The following RAD18 variants were observed in gnomAD, a reference collection of about 807,000 sequenced individuals.
RAD18 encodes RAD18 E3 ubiquitin protein ligase, also known as E3 ubiquitin-protein ligase RAD18.
RAD18 carries 47 observed loss-of-function variants against 60.4 expected under a neutral mutation model. The observed-to-expected ratio is 0.78, with a 90% CI of 0.62 to 0.99. The LOEUF is 0.99. Ranked by LOEUF, RAD18 falls within the 50% of genes least tolerant of loss-of-function variation. RAD18 has a pLI of 0.00. For missense variants in RAD18, 640 were observed against 593.3 expected (o/e 1.08, Z -0.82); for synonymous variants, 225 against 195.5 (o/e 1.15, Z -1.26).
In RAD18 at chr3:8,958,816, C is replaced by T. The variant is rs1941051084; in HGVS notation, c.133+104G>A. On this transcript the variant is annotated intron_variant, in intron 2 of 12. Transcript: ENST00000264926. ...TCTGAAAAACTACAAGATAGAAGAG[C>T]TAAAGGTGAAACATAAATATGTGCA... 1.0e-5 allele frequency: 9 copies of T among 889,542 alleles called. No homozygotes were observed. The East Asian group carries it at 2.0e-4, about 20-fold the overall frequency. The allele number at this position is 889,542 out of a possible 1,614,324, so 55.1% of individuals were successfully genotyped here.
intron 11 of RAD18, among the ~76,000 whole-genome samples, chr3:8,894,846 C>T (rs772989122): frequency 1.3e-5 from 2 of 148,208 alleles, no homozygotes; most frequent in South Asian, 2.1e-4. Flanking sequence ...CAGCAACCTC[C>T]GCCTCCCACG....
intron 2 of RAD18, among the ~76,000 whole-genome samples, chr3:8,951,416 A>G (rs897058124): frequency 6.6e-6 from 1 of 152,192 alleles, no homozygotes; most frequent in African/African-American, 2.4e-5. Flanking sequence ...AAAGAGAAAT[A>G]AGGACTTTCT....
chr3:8,922,792 AC>A (rs1478270418), intron 7 of RAD18, among the ~76,000 whole-genome samples: 1 of 152,170 alleles, frequency 6.6e-6, no homozygotes, highest in Non-Finnish European at 1.5e-5. Context: ...CGCTGGTGAT[AC>A]CCAGGCAAAC....
chr3:8,929,275 G>C (rs777282969), intron 7 of RAD18, among the ~76,000 whole-genome samples: 5 of 151,920 alleles, frequency 3.3e-5, no homozygotes, highest in African/African-American at 4.8e-5. Context: ...CTGAGAAAAA[G>C]CAATTTGAGA....
intron 7 of RAD18, among the ~76,000 whole-genome samples, chr3:8,914,278 T>C (rs1322246823): frequency 6.6e-6 from 1 of 152,204 alleles, no homozygotes; most frequent in African/African-American, 2.4e-5. Flanking sequence ...AATTTGCAAA[T>C]GCTATCTTTC....
intron 2 of RAD18, 103 bp downstream of exon 2, chr3:8,958,817 T>A: frequency 1.1e-6 from 1 of 905,884 alleles, no homozygotes; most frequent in Non-Finnish European, 1.8e-6. Context: ...ATAGAAGAGC[T>A]AAAGGTGAAA....
chr3:8,910,842 G>C (rs1011055039), intron 9 of RAD18, among the ~76,000 whole-genome samples: 17 of 152,100 alleles, frequency 1.1e-4, no homozygotes, highest in African/African-American at 4.1e-4. Flanking sequence ...AAAACTTCAA[G>C]AAGTAGCAGA....
chr3:8,882,213 G>A (rs1939477106), intron 12 of RAD18, among the ~76,000 whole-genome samples: 1 of 152,188 alleles, frequency 6.6e-6, no homozygotes, highest in Non-Finnish European at 1.5e-5. Flanking sequence ...GGGAAACACA[G>A]GAAACTCCCC....
chr3:8,941,927 CAACCA>C, intron 4 of RAD18, 123 bp from the exon 5 acceptor site: 2 of 869,194 alleles, frequency 2.3e-6, no homozygotes, highest in Non-Finnish European at 1.7e-6. Context: ...ACTATAATGA[CAACCA>C]AACCAAAGTT....
chr3:8,947,561 A>G (rs1940858007), intron 3 of RAD18, among the ~76,000 whole-genome samples: 1 of 152,218 alleles, frequency 6.6e-6, no homozygotes, highest in Admixed American at 6.5e-5. Context: ...CAAACCTAAT[A>G]TAAGCAAGAA....
chr3:8,922,424 C>T (rs1044537453), intron 7 of RAD18, among the ~76,000 whole-genome samples: 1 of 151,978 alleles, frequency 6.6e-6, no homozygotes, highest in Non-Finnish European at 1.5e-5. Context: ...CTGGGAAGCT[C>T]AAACTGGGTG....
intron 7 of RAD18, among the ~76,000 whole-genome samples, chr3:8,927,254 C>T (rs1185543755): frequency 8.5e-5 from 13 of 152,206 alleles, no homozygotes; most frequent in South Asian, 6.2e-4. Context: ...GTGAAGGATA[C>T]GAACAGACAC....
chr3:8,949,187 G>A (rs1940888624), intron 2 of RAD18, among the ~76,000 whole-genome samples: 1 of 152,144 alleles, frequency 6.6e-6, no homozygotes, highest in Non-Finnish European at 1.5e-5. Flanking sequence ...CCACACTCAA[G>A]GCAGTGTAAA....
At chr3:8,886,724 T>A (rs1478879854) in intron 12 of RAD18, among the ~76,000 whole-genome samples, 1 of 152,204 alleles carries the variant, frequency 6.6e-6, no homozygotes, top group African/African-American at 2.4e-5. Flanking sequence ...TGTCAACTGC[T>A]ATCTAGATGA....
chr3:8,912,081 A>C (rs1044459723), intron 9 of RAD18, among the ~76,000 whole-genome samples: 10 of 152,190 alleles, frequency 6.6e-5, no homozygotes, highest in Non-Finnish European at 1.5e-4. Flanking sequence ...ATATTTGCAA[A>C]GTGCTTAGTG....
chr3:8,913,651 T>G lies in RAD18; in HGVS notation c.959A>C (p.Asn320Thr), dbSNP rs1052533942. 9 of 1,555,922 alleles carry G rather than the reference T, an allele frequency of 5.8e-6. No homozygotes were observed. Among genetic ancestry groups the G allele is most frequent in the Non-Finnish European group, 7.8e-6 (9 of 1,146,902 alleles). Residue 320 changes from asparagine (N) to threonine (T), a missense_variant, in exon 8 of 13, where the codon AAT becomes ACT. Transcript: ENST00000264926. The part of the protein sequence containing the change: ...TRMRLEASKL[N>T]ESVMVFTKDQ... ...AATAGCCCATTAACATACACTTTCATTGAGTTTACTAGCTTCAAGACGCAT... is the reference window on the plus strand; with the variant it reads ...AATAGCCCATTAACATACACTTTCAGTGAGTTTACTAGCTTCAAGACGCAT...
At chr3:8,931,977 C>T (rs1388117995) in intron 7 of RAD18, among the ~76,000 whole-genome samples, 1 of 152,072 alleles carries the variant, frequency 6.6e-6, no homozygotes, top group Non-Finnish European at 1.5e-5. Context: ...TGACATTTAC[C>T]TTCCACCATA....
At chr3:8,949,987 A>T (rs1486233402) in intron 2 of RAD18, among the ~76,000 whole-genome samples, 1 of 152,152 alleles carries the variant, frequency 6.6e-6, no homozygotes. Context: ...GGGTAAAAGT[A>T]ACCATTTCTA....
rs1034166096 is a variant in RAD18 at position 8,878,514 on chromosome 3, C to A, written c.*2843G>T. On this transcript the variant is annotated 3_prime_UTR_variant, in exon 13 of 13. Coordinates refer to ENST00000264926, the MANE Select transcript of RAD18 (RefSeq NM_020165.4). ...TATCGGATGCTAAGAAGTTTGAAAT[C>A]CATTGTTTTTGGGTTTTTTTCCAGA... is the stretch of plus-strand genomic sequence containing the variant. 4.6e-5 allele frequency: 7 copies of A among 152,152 alleles called. No homozygotes were observed. The highest frequency in any genetic ancestry group is 1.4e-4 in the African/African-American group (6 of 41,418). 9.4% of individuals were successfully genotyped at this position (152,152 alleles called of 1,614,324 possible). A position where few individuals can be genotyped will look rare whatever the true frequency, so the allele number is the denominator to read the frequency against.
Sources: allele counts gnomAD v4.1 joint callset (sites outside exome capture counted in the v4.1 genomes callset), GRCh38; gene constraint gnomAD v4.1.1; transcripts MANE v1.5; gene names NCBI Gene and HGNC (gene_info 2026-07-23, HGNC 2026-07-21).